ZPR1: variants seen among roughly 807,000 people sequenced by gnomAD.
The protein encoded by ZPR1 is zinc finger protein ZPR1.
ZPR1 carries 37 observed loss-of-function variants against 59.6 expected under a neutral mutation model. The observed-to-expected ratio is 0.62, with a 90% CI of 0.48 to 0.82. The LOEUF (loss-of-function observed/expected upper bound fraction) is 0.82, where lower values mean the gene tolerates loss of function less well. Ranked by LOEUF, ZPR1 falls within the 40% of genes least tolerant of loss-of-function variation. ZPR1 has a pLI of 0.00. For missense variants in ZPR1, 527 were observed against 579.9 expected, an observed-to-expected ratio of 0.91 and a Z score of 0.94; for synonymous variants, 191 against 215.2, an observed-to-expected ratio of 0.89 and a Z score of 0.99.
Position 116,784,407 on chromosome 11 carries a change from A to T in ZPR1, c.862T>A (p.Cys288Ser), listed in dbSNP as rs775176591. 3.7e-6 allele frequency: 6 copies of T among 1,614,064 alleles called. No individual in the cohort carries two copies. The African/African-American group carries it at 8.0e-5, about 22-fold the overall frequency. The change falls in exon 9 of 14, where the codon TGC (cysteine) becomes AGC (serine). Residue 288 changes from cysteine to serine, a missense_variant. Coordinates refer to ENST00000227322, the MANE Select transcript of ZPR1 (RefSeq NM_003904.5). ...FKEVIIMATNCENCGHRTNEV... is the reference protein window; with the variant it reads ...FKEVIIMATNSENCGHRTNEV... ...TTGGTCCGATGCCCACAGTTCTCGCAGTTGGTAGCCATGATGATAACCTCC... is the reference window on the plus strand; with the variant it reads ...TTGGTCCGATGCCCACAGTTCTCGCTGTTGGTAGCCATGATGATAACCTCC...
chr11:116,782,047 A>T, intron 12 of ZPR1, 111 bp downstream of exon 12: 1 of 745,652 alleles, frequency 1.3e-6, no homozygotes, highest in Non-Finnish European at 2.2e-6. Flanking sequence ...CCAGAAGAAG[A>T]ATCCCCAACA....
chr11:116,781,487 C>T (rs1940804208), intron 12 of ZPR1, among the ~76,000 whole-genome samples: 1 of 152,156 alleles, frequency 6.6e-6, no homozygotes, highest in Non-Finnish European at 1.5e-5. Flanking sequence ...ATGTCTTTAC[C>T]AAACTGGAAG....
chr11:116,783,480 GT>G, intron 10 of ZPR1, 49 bp downstream of exon 10: 1 of 1,481,602 alleles, frequency 6.7e-7, no homozygotes, highest in African/African-American at 1.4e-5. Context: ...GATAGAGACA[GT>G]TTATCTAACT....
rs1041165287 is a variant in ZPR1 at position 116,778,812 on chromosome 11, A to T, written c.*113T>A. The T allele has an allele frequency of 7.2e-7, 1 of 1,383,716 alleles. No homozygotes were observed. Among genetic ancestry groups the T allele is most frequent in the Non-Finnish European group, 9.7e-7 (1 of 1,030,972 alleles). The allele number at this position is 1,383,716 out of a possible 1,614,324, so 85.7% of individuals were successfully genotyped here. A position where few individuals can be genotyped will look rare whatever the true frequency, so the allele number is the denominator to read the frequency against. Reference sequence around the variant, plus strand: ...CTGACTCAGACCAGATGTCCTCCCCACCATGGGCAAGGGCTGGTGGGAAAG... The same window carrying T: ...CTGACTCAGACCAGATGTCCTCCCCTCCATGGGCAAGGGCTGGTGGGAAAG... On this transcript the variant is annotated 3_prime_UTR_variant, in exon 14 of 14. Coordinates refer to ENST00000227322, the MANE Select transcript of ZPR1 (RefSeq NM_003904.5).
At chr11:116,784,123 G>A (rs1434772379) in intron 9 of ZPR1, among the ~76,000 whole-genome samples, 3 of 152,196 alleles carry the variant, frequency 2.0e-5, no homozygotes, top group Admixed American at 6.5e-5. Context: ...CCTCTGAGGA[G>A]TGGGTCAAAA....
chr11:116,782,459 CAT>C (rs998965080), intron 11 of ZPR1, among the ~76,000 whole-genome samples: 2 of 152,132 alleles, frequency 1.3e-5, no homozygotes, highest in African/African-American at 4.8e-5. Context: ...AAAATCGAAA[CAT>C]GTTCTTAGAA....
At chr11:116,787,170 T>C in intron 2 of ZPR1, 111 bp from the exon 3 acceptor site, 1 of 973,762 alleles carries the variant, frequency 1.0e-6, no homozygotes. Flanking sequence ...TCTCTCCCTC[T>C]CGCCACTCCA....
rs756306660 is a variant in ZPR1 at position 116,779,762 on chromosome 11, T to A, written c.1245+10A>T. On this transcript the variant is annotated intron_variant, in intron 13 of 13. Transcript: ENST00000227322. ...TATCTCTATGAAACATCAGGGAAGGTCTACTATACCTGCAAGTAACTGTTT... is the reference window on the plus strand; with the variant it reads ...TATCTCTATGAAACATCAGGGAAGGACTACTATACCTGCAAGTAACTGTTT... 6.3e-7 allele frequency: 1 copy of A among 1,594,676 alleles called. No individual in the cohort carries two copies. The highest frequency in any genetic ancestry group is 1.7e-5 in the Admixed American group (1 of 59,206).
Position 116,778,852 on chromosome 11 carries a change from C to T in ZPR1, c.*73G>A, listed in dbSNP as rs898155972. ...TGGTGGGAAAGACACTCCCAGCCTT[C>T]GCCTTCATCCAATACTAATAAATAA... On this transcript the variant is annotated 3_prime_UTR_variant, in exon 14 of 14. Coordinates refer to ENST00000227322, the MANE Select transcript of ZPR1 (RefSeq NM_003904.5). 13 of 1,550,086 alleles carry T rather than the reference C, an allele frequency of 8.4e-6. No individual in the cohort carries two copies. The highest frequency in any genetic ancestry group is 3.7e-5 in the Admixed American group (2 of 53,928).
chr11:116,787,921 G>A lies in ZPR1; in HGVS notation c.70C>T (p.Pro24Ser), dbSNP rs1307634213. The change falls in exon 1 of 14, where the codon CCG becomes TCG. Residue 24 changes from proline to serine, a missense_variant. Pro to Ser is a moderately conservative substitution (Grantham distance 74). Transcript: ENST00000227322. ...AAVAPSPAPA[P>S]PPAPDHLFRP... ...AACAGGTGATCAGGGGCAGGCGGCG[G>A]GGCCGGGGCGGGCGACGGGGCGACG... 2 of 1,496,028 alleles carry A rather than the reference G, an allele frequency of 1.3e-6. No individual in the cohort carries two copies. The highest frequency in any genetic ancestry group is 1.8e-6 in the Non-Finnish European group (2 of 1,129,422). 92.7% of individuals were successfully genotyped at this position (1,496,028 alleles called of 1,614,324 possible).
At chr11:116,783,812 A>C (rs895220471) in intron 9 of ZPR1, among the ~76,000 whole-genome samples, 193 bp from the exon 10 acceptor site, 23 of 151,738 alleles carry the variant, frequency 1.5e-4, no homozygotes, top group African/African-American at 5.3e-4. Context: ...CAACCCTGGT[A>C]ACGTGCCAAA....
Position 116,784,373 on chromosome 11 carries a change from C to A in ZPR1, c.891+5G>T, listed in dbSNP as rs1394937899. The A allele has an allele frequency of 1.9e-6, 3 of 1,613,980 alleles. No individual in the cohort carries two copies. Among genetic ancestry groups the A allele is most frequent in the Non-Finnish European group, 2.5e-6 (3 of 1,179,970 alleles). ...TCTTCTTCCCAAATAATGGCGCCCA[C>A]CCACCTCATTGGTCCGATGCCCACA... On this transcript the variant is annotated splice_donor_5th_base_variant and intron_variant, in intron 9 of 13. Coordinates refer to ENST00000227322, the MANE Select transcript of ZPR1 (RefSeq NM_003904.5).
rs36148817 is a variant in ZPR1, at chr11:116,775,627, C to CAAAAAAAAAAAAAAAAAAAAAAAAAA, written c.*3272_*3297dup. The CAAAAAAAAAAAAAAAAAAAAAAAAAA allele has an allele frequency of 1.4e-5, 1 of 72,946 alleles. No individual in the cohort carries two copies. The highest frequency in any genetic ancestry group is 2.9e-5 in the Non-Finnish European group (1 of 34,866). The allele number at this position is 72,946 out of a possible 1,614,324, so 4.5% of individuals were successfully genotyped here. A position where few individuals can be genotyped will look rare whatever the true frequency, so the allele number is the denominator to read the frequency against. Reference sequence around the variant, plus strand: ...TGGGCAACAGAGTGAGACTCCGTCTCAAAAAAAAAAAAAAAAAAAAAAAAA... The same window carrying CAAAAAAAAAAAAAAAAAAAAAAAAAA: ...TGGGCAACAGAGTGAGACTCCGTCTCAAAAAAAAAAAAAAAAAAAAAAAAAAAAAAAAAAAAAAAAAAAAAAAAAAA... On this transcript the variant is annotated 3_prime_UTR_variant, in exon 14 of 14. Transcript: ENST00000227322.
chr11:116,776,488 T>C lies in ZPR1; in HGVS notation c.*2437A>G, dbSNP rs1345411905. The stretch of plus-strand genomic sequence containing the variant: ...AAGACTCAGTTAACTATATGTAAGC[T>C]CCCATCCTGACACACTTTATGAAAT... On this transcript the variant is annotated 3_prime_UTR_variant, in exon 14 of 14. Coordinates refer to ENST00000227322, the MANE Select transcript of ZPR1 (RefSeq NM_003904.5). 1 of 152,178 alleles carries C rather than the reference T, an allele frequency of 6.6e-6. No individual in the cohort carries two copies. Among genetic ancestry groups the C allele is most frequent in the Non-Finnish European group, 1.5e-5 (1 of 68,052 alleles). The allele number at this position is 152,178 out of a possible 1,614,324, so 9.4% of individuals were successfully genotyped here.
In ZPR1 at chr11:116,784,409, T is replaced by C. The variant is rs760982878; in HGVS notation, c.860A>G (p.Asn287Ser). 3 of 1,614,154 alleles carry C rather than the reference T, an allele frequency of 1.9e-6. No individual in the cohort carries two copies. Among genetic ancestry groups the C allele is most frequent in the Middle Eastern group, 1.7e-4 (1 of 6,058 alleles). Residue 287 changes from asparagine (N) to serine (S), a missense_variant, in exon 9 of 14, where the codon AAC becomes AGC. Transcript: ENST00000227322. Reference sequence around the variant, plus strand: ...GGTCCGATGCCCACAGTTCTCGCAGTTGGTAGCCATGATGATAACCTCCTT... The same window carrying C: ...GGTCCGATGCCCACAGTTCTCGCAGCTGGTAGCCATGATGATAACCTCCTT... ...HFKEVIIMATNCENCGHRTNE... is the reference protein window; with the variant it reads ...HFKEVIIMATSCENCGHRTNE...
intron 5 of ZPR1, 76 bp downstream of exon 5, chr11:116,785,720 C>G (rs1357769329): frequency 3.7e-6 from 6 of 1,612,584 alleles, no homozygotes; most frequent in Non-Finnish European, 5.1e-6. Context: ...ACGCAGGCAT[C>G]ACAGTGGAAA....
At chr11:116,786,635 G>C (rs1187372479) in intron 3 of ZPR1, 54 bp from the exon 4 acceptor site, 2 of 1,484,548 alleles carry the variant, frequency 1.3e-6, no homozygotes, top group South Asian at 1.1e-5. Flanking sequence ...CTGCTATCAA[G>C]TCCCTGTATG....
Position 116,777,901 on chromosome 11 carries a change from C to T in ZPR1, c.*1024G>A, listed in dbSNP as rs962496026. ...AGAAGAACTGCAGAGAGCCTCCTTT[C>T]TCTCTGGATGAATGTGTTTCAACAT... On this transcript the variant is annotated 3_prime_UTR_variant, in exon 14 of 14. Transcript: ENST00000227322. The T allele has an allele frequency of 3.9e-5, 6 of 152,192 alleles. No individual in the cohort carries two copies. The highest frequency in any genetic ancestry group is 1.4e-4 in the African/African-American group (6 of 41,440). The allele number at this position is 152,192 out of a possible 1,614,324, so 9.4% of individuals were successfully genotyped here.
rs931075084 is a variant in ZPR1, at chr11:116,785,876, T to C, written c.502A>G (p.Lys168Glu). ...EQDQPARRAN[K>E]DATAERIDEF... ...TCAATTCTTTCAGCTGTAGCATCTTTGTTTGCCTGCCATGAACAGAGAGTA... is the reference window on the plus strand; with the variant it reads ...TCAATTCTTTCAGCTGTAGCATCTTCGTTTGCCTGCCATGAACAGAGAGTA... Residue 168 changes from lysine to glutamate, a missense_variant, in exon 5 of 14, where the codon AAA (lysine) becomes GAA (glutamate). Transcript: ENST00000227322. 4 of 1,614,080 alleles carry C rather than the reference T, an allele frequency of 2.5e-6. No individual in the cohort carries two copies. The highest frequency in any genetic ancestry group is 1.6e-4 in the Middle Eastern group (1 of 6,084).
Sources: gnomAD v4.1 joint callset for allele counts (sites outside exome capture counted in the v4.1 genomes callset) on GRCh38, gnomAD v4.1.1 for gene constraint, MANE v1.5 for transcripts, NCBI Gene and HGNC (gene_info 2026-07-23, HGNC 2026-07-21) for gene names.